Variants in JAKMIP2 observed in about 807,000 individuals in gnomAD.
The protein encoded by JAKMIP2 is janus kinase and microtubule-interacting protein 2.
Under a neutral mutation model 115.0 loss-of-function variants are expected in JAKMIP2, and 25 were observed. The observed-to-expected ratio is 0.22, with a 90% CI of 0.16 to 0.30. The LOEUF is 0.30. Ranked by LOEUF, JAKMIP2 falls within the 10% of genes least tolerant of loss-of-function variation. The pLI is 1.00. For missense variants in JAKMIP2, 642 were observed against 957.6 expected (o/e 0.67, Z 4.35); for synonymous variants, 334 against 343.6 (o/e 0.97, Z 0.31).
At chr5:147,608,310 T>C (rs1756136276) in intron 20 of JAKMIP2, among the ~76,000 whole-genome samples, 2 of 152,236 alleles carry the variant, frequency 1.3e-5, no homozygotes, top group Admixed American at 1.3e-4. Flanking sequence ...TGTGGGGATT[T>C]AGTGCTATAA....
At chr5:147,769,486 T>C (rs779055632) in intron 1 of JAKMIP2, among the ~76,000 whole-genome samples, 1 of 152,138 alleles carries the variant, frequency 6.6e-6, no homozygotes, top group Non-Finnish European at 1.5e-5. Context: ...CTGAGCCACA[T>C]AGTATTAAAC....
intron 1 of JAKMIP2, among the ~76,000 whole-genome samples, chr5:147,699,426 G>GT (rs998100407): frequency 4.6e-5 from 7 of 151,936 alleles, no homozygotes; most frequent in African/African-American, 1.7e-4. Flanking sequence ...TAGGGAAGTT[G>GT]TTTACATTGG....
At chr5:147,636,494 C>T (rs1194863042) in intron 11 of JAKMIP2, 1 of 596,334 alleles carries the variant, frequency 1.7e-6, no homozygotes, top group African/African-American at 1.9e-5. Context: ...TCATCACTCC[C>T]TATTTCTACC....
At chr5:147,635,949 T>A (rs1182416660) in intron 12 of JAKMIP2, among the ~76,000 whole-genome samples, 1 of 152,218 alleles carries the variant, frequency 6.6e-6, no homozygotes, top group South Asian at 2.1e-4. Context: ...ACAGTATATA[T>A]ACAGTGTATA....
At chr5:147,715,089 T>C (rs1309144612) in intron 1 of JAKMIP2, among the ~76,000 whole-genome samples, 7 of 151,972 alleles carry the variant, frequency 4.6e-5, no homozygotes, top group African/African-American at 1.4e-4. Flanking sequence ...TAAATGTATG[T>C]ATTACAATTA....
At chr5:147,594,579 C>T (rs1755263217) in intron 21 of JAKMIP2, 2 of 309,686 alleles carry the variant, frequency 6.5e-6, no homozygotes, top group African/African-American at 4.3e-5. Flanking sequence ...AGTGATCCAC[C>T]TGCCTCAGCC....
intron 1 of JAKMIP2, among the ~76,000 whole-genome samples, chr5:147,762,360 T>C (rs1482212574): frequency 6.6e-6 from 1 of 152,170 alleles, no homozygotes; most frequent in African/African-American, 2.4e-5. Flanking sequence ...ATTTAATGAT[T>C]GGGCTGTGTA....
intron 1 of JAKMIP2, among the ~76,000 whole-genome samples, chr5:147,759,443 T>C (rs1754856155): frequency 6.6e-6 from 1 of 152,118 alleles, no homozygotes; most frequent in Admixed American, 6.6e-5. Flanking sequence ...AATTTGAGCA[T>C]CTACTCTTCA....
intron 17 of JAKMIP2, 120 bp downstream of exon 17, chr5:147,623,501 T>A: frequency 1.7e-6 from 1 of 598,246 alleles, no homozygotes; most frequent in Non-Finnish European, 3.0e-6. Flanking sequence ...GTACATAAAA[T>A]AATAATGGAA....
At chr5:147,693,068 T>C (rs954782863) in intron 1 of JAKMIP2, among the ~76,000 whole-genome samples, 1 of 152,226 alleles carries the variant, frequency 6.6e-6, no homozygotes, top group African/African-American at 2.4e-5. Context: ...AGTAAAATTA[T>C]ACATTTTTTC....
intron 2 of JAKMIP2, among the ~76,000 whole-genome samples, chr5:147,662,406 T>G (rs575445572): frequency 6.6e-6 from 1 of 152,312 alleles, no homozygotes; most frequent in East Asian, 1.9e-4. Flanking sequence ...GAATTCCGGT[T>G]TAAAACTATT....
chr5:147,764,927 A>AGAGAGAGAGAGAGAGG (rs1561582386), intron 1 of JAKMIP2, among the ~76,000 whole-genome samples: 38 of 88,606 alleles, frequency 4.3e-4, no homozygotes, highest in Non-Finnish European at 4.9e-4. Context: ...AGAAAGAGAG[A>AGAGAGAGAGAGAGAGG]GAGAGAGAGA....
intron 21 of JAKMIP2, among the ~76,000 whole-genome samples, chr5:147,596,911 A>G (rs1044136779): frequency 1.3e-5 from 2 of 152,078 alleles, no homozygotes; most frequent in Non-Finnish European, 2.9e-5. Context: ...TTACTCTGTC[A>G]CCCAGGCTGG....
Position 147,671,709 on chromosome 5 carries a change from A to C in JAKMIP2, c.98T>G (p.Ile33Ser). The C allele has an allele frequency of 6.4e-7, 1 of 1,568,260 alleles. No individual in the cohort carries two copies. Among genetic ancestry groups the C allele is most frequent in the Non-Finnish European group, 8.7e-7 (1 of 1,155,624 alleles). The change falls in exon 2 of 22, where the codon ATT becomes AGT. Residue 33 changes from isoleucine (I) to serine (S), a missense_variant. Ile to Ser is a moderately radical substitution (Grantham distance 142, BLOSUM62 -2). Coordinates refer to ENST00000616793, the MANE Select transcript of JAKMIP2 (RefSeq NM_001270941.2). Reference sequence around the variant, plus strand: ...CTTCTCTTGATGCAGCTCTATCTGAATGTCTGTGAGCTTGGTCCTGAGGTC... The same window carrying C: ...CTTCTCTTGATGCAGCTCTATCTGACTGTCTGTGAGCTTGGTCCTGAGGTC... ...NEDLRTKLTD[I>S]QIELHQEKSK...
At chr5:147,602,395 T>C (rs190006350) in intron 20 of JAKMIP2, among the ~76,000 whole-genome samples, 8 of 152,256 alleles carry the variant, frequency 5.3e-5, no homozygotes, top group Admixed American at 4.6e-4. Context: ...TTACATTGGG[T>C]TGATGGGTAA....
In JAKMIP2 at chr5:147,604,656, A is replaced by G. The variant is rs567269282; in HGVS notation, c.2413-2845T>C. Among the ~76,000 whole-genome samples, 13 of 152,274 alleles carry G rather than the reference A, an allele frequency of 8.5e-5. No individual in the cohort carries two copies. The South Asian group carries it at 2.7e-3, about 32-fold the overall frequency. ...TTCTTCTTGTGTGCCTATGGAAGCT[A>G]TTATAAAACAGCCATAACATTTTAC... On this transcript the variant is annotated intron_variant, in intron 20 of 21. Transcript: ENST00000616793.
chr5:147,675,134 C>T (rs1216451796), intron 1 of JAKMIP2, among the ~76,000 whole-genome samples: 2 of 152,106 alleles, frequency 1.3e-5, no homozygotes, highest in African/African-American at 4.8e-5. Flanking sequence ...CATTTTACAT[C>T]TTAATTTATA....
chr5:147,709,573 G>A (rs543416015), intron 1 of JAKMIP2, among the ~76,000 whole-genome samples: 3 of 152,252 alleles, frequency 2.0e-5, no homozygotes, highest in South Asian at 2.1e-4. Flanking sequence ...ATTCTAGGCC[G>A]GGTGGGGTGG....
At chr5:147,677,279 C>T (rs1760021231) in intron 1 of JAKMIP2, among the ~76,000 whole-genome samples, 1 of 152,206 alleles carries the variant, frequency 6.6e-6, no homozygotes, top group Non-Finnish European at 1.5e-5. Context: ...TCTATCTCTA[C>T]TGTTAGCCAC....
Sources: gnomAD v4.1 joint callset for allele counts (sites outside exome capture counted in the v4.1 genomes callset) on GRCh38, gnomAD v4.1.1 for gene constraint, MANE v1.5 for transcripts, NCBI Gene and HGNC (gene_info 2026-07-23, HGNC 2026-07-21) for gene names.